The following ZBTB8A variants were observed in gnomAD, a reference collection of about 807,000 sequenced individuals.
ZBTB8A encodes the protein zinc finger and BTB domain-containing protein 8A.
Under a neutral mutation model 37.8 loss-of-function variants are expected in ZBTB8A, and 19 were observed. The observed-to-expected ratio is 0.50, with a 90% confidence interval of 0.35 to 0.74. ZBTB8A has a LOEUF of 0.74. Ranked by LOEUF, ZBTB8A falls within the 30% of genes least tolerant of loss-of-function variation. The pLI, the probability that ZBTB8A is intolerant of heterozygous loss-of-function variation, is 0.01. For missense variants in ZBTB8A, 394 were observed against 537.8 expected, an observed-to-expected ratio of 0.73 and a Z score of 2.65; for synonymous variants, 181 against 185.2, an observed-to-expected ratio of 0.98 and a Z score of 0.19.
At chr1:32,548,637 A>G (rs139312250) in intron 1 of ZBTB8A, among the ~76,000 whole-genome samples, 21 of 152,260 alleles carry the variant, frequency 1.4e-4, no homozygotes, top group African/African-American at 5.1e-4. Context: ...CTGTATCCCC[A>G]TTTGTATAAG....
At chr1:32,594,761 A>G (rs982603438) in intron 3 of ZBTB8A, among the ~76,000 whole-genome samples, 1 of 149,800 alleles carries the variant, frequency 6.7e-6, no homozygotes, top group Non-Finnish European at 1.5e-5. Context: ...GCGAAACTCT[A>G]TCTCAAAAAA....
At chr1:32,599,707 ACT>A (rs1644560883) in intron 4 of ZBTB8A, among the ~76,000 whole-genome samples, 1 of 151,890 alleles carries the variant, frequency 6.6e-6, no homozygotes, top group South Asian at 2.1e-4. Context: ...ACAGAGTGAG[ACT>A]CTGTCTCAAA....
intron 2 of ZBTB8A, among the ~76,000 whole-genome samples, chr1:32,573,070 C>CTTTT (rs765833626): frequency 2.6e-5 from 3 of 115,748 alleles, no homozygotes; most frequent in East Asian, 2.3e-4. Flanking sequence ...TCTCTAGATT[C>CTTTT]TTTTTTTTTT....
In ZBTB8A at chr1:32,593,449, G is replaced by A. The variant is rs760523065; in HGVS notation, c.518G>A (p.Gly173Asp). The A allele has an allele frequency of 6.2e-7, 1 of 1,613,764 alleles. No homozygotes were observed. Among genetic ancestry groups the A allele is most frequent in the African/African-American group, 1.3e-5 (1 of 74,904 alleles). The change falls in exon 3 of 5, where the codon GGT becomes GAT. Residue 173 changes from glycine (G) to aspartate (D), a missense_variant. This residue lies in a region of ZBTB8A where 171 missense variants were observed against 186.8 expected (regional missense o/e 0.92). Coordinates refer to ENST00000373510, the MANE Select transcript of ZBTB8A (RefSeq NM_001040441.3). Reference sequence around the variant, plus strand: ...CACCTAAGCCCAGAGCAAGGAACAGGTATAATAAGTGGAAAATCTTGGAAT... The same window carrying A: ...CACCTAAGCCCAGAGCAAGGAACAGATATAATAAGTGGAAAATCTTGGAAT... ...RSHLSPEQGT[G>D]IISGKSWNKY... is the part of the protein sequence containing the mutation.
chr1:32,597,246 C>T (rs182421623), intron 4 of ZBTB8A, among the ~76,000 whole-genome samples: 39 of 152,112 alleles, frequency 2.6e-4, no homozygotes, highest in Non-Finnish European at 4.4e-4. Flanking sequence ...CCATCCACCT[C>T]GGCCTCCCAA....
intron 2 of ZBTB8A, among the ~76,000 whole-genome samples, chr1:32,561,550 T>C (rs1299567761): frequency 1.3e-5 from 2 of 152,054 alleles, no homozygotes; most frequent in African/African-American, 4.8e-5. Context: ...TCCTTCTGTG[T>C]TTGTGGTTTT....
chr1:32,545,437 G>C (rs987470999), intron 1 of ZBTB8A, among the ~76,000 whole-genome samples: 2 of 152,006 alleles, frequency 1.3e-5, no homozygotes, highest in African/African-American at 4.8e-5. Flanking sequence ...GACTTCCTTA[G>C]AGCCTCTAAA....
intron 2 of ZBTB8A, among the ~76,000 whole-genome samples, chr1:32,583,437 A>T (rs974473226): frequency 9.2e-5 from 14 of 151,856 alleles, no homozygotes; most frequent in Non-Finnish European, 1.6e-4. Flanking sequence ...GGGAGTTCAG[A>T]TGGTGAGGCA....
chr1:32,544,848 C>T (rs1438918030), intron 1 of ZBTB8A, among the ~76,000 whole-genome samples: 1 of 152,202 alleles, frequency 6.6e-6, no homozygotes, highest in African/African-American at 2.4e-5. Context: ...CTTTTTATGG[C>T]CGAGTTACAT....
At chr1:32,554,385 T>C (rs888860802) in intron 2 of ZBTB8A, among the ~76,000 whole-genome samples, 6 of 151,776 alleles carry the variant, frequency 4.0e-5, no homozygotes, top group African/African-American at 1.4e-4. Context: ...TAAGGAGGTG[T>C]AGTGTATCCT....
At chr1:32,571,143 T>C (rs1414548145) in intron 2 of ZBTB8A, among the ~76,000 whole-genome samples, 1 of 152,220 alleles carries the variant, frequency 6.6e-6, no homozygotes, top group African/African-American at 2.4e-5. Flanking sequence ...CCCAAAGTGC[T>C]GGGATTACAG....
At chr1:32,571,900 G>T (rs761074993) in intron 2 of ZBTB8A, among the ~76,000 whole-genome samples, 7 of 151,264 alleles carry the variant, frequency 4.6e-5, no homozygotes, top group East Asian at 1.9e-4. Flanking sequence ...TAGGTTGGGG[G>T]TTTTTTTTGT....
intron 1 of ZBTB8A, among the ~76,000 whole-genome samples, chr1:32,543,971 C>G (rs1644080558): frequency 6.6e-6 from 1 of 152,144 alleles, no homozygotes; most frequent in South Asian, 2.1e-4. Context: ...CCACCACACC[C>G]AGACTTGTTT....
At chr1:32,579,066 C>T (rs962557871) in intron 2 of ZBTB8A, among the ~76,000 whole-genome samples, 2 of 152,044 alleles carry the variant, frequency 1.3e-5, no homozygotes, top group Admixed American at 6.6e-5. Flanking sequence ...TTAGGTTAGT[C>T]GTACTACTAA....
Position 32,562,123 on chromosome 1 carries a change from T to TTG in ZBTB8A, c.-2+8584_-2+8585insGT, listed in dbSNP as rs1448526024. Among the ~76,000 whole-genome samples, 217 of 146,008 alleles carry TTG rather than the reference T, an allele frequency of 1.5e-3. 1 individual carries two copies. Among genetic ancestry groups the TTG allele is most frequent in the African/African-American group, 4.8e-3 (193 of 40,218 alleles). On this transcript the variant is annotated intron_variant, in intron 2 of 4. Transcript: ENST00000373510. ...AGCCAATTTTTTAATTTTTGTTTGT[T>TTG]TTTTTTTTTTTTTGTAGAAACGGGG...
At chr1:32,562,457 G>C (rs987504038) in intron 2 of ZBTB8A, among the ~76,000 whole-genome samples, 10 of 151,318 alleles carry the variant, frequency 6.6e-5, no homozygotes, top group African/African-American at 2.2e-4. Context: ...TTTTAGTAGA[G>C]ATGGGGTTTC....
chr1:32,582,986 A>G (rs750061082), intron 2 of ZBTB8A, among the ~76,000 whole-genome samples: 5 of 152,222 alleles, frequency 3.3e-5, no homozygotes, highest in Non-Finnish European at 5.9e-5. Context: ...CATTATAGAT[A>G]AAACTCCTTG....
intron 1 of ZBTB8A, among the ~76,000 whole-genome samples, chr1:32,541,930 G>A (rs917781722): frequency 1.3e-5 from 2 of 152,160 alleles, no homozygotes; most frequent in Non-Finnish European, 2.9e-5. Flanking sequence ...TAATACAGAC[G>A]ATCACTGACT....
At chr1:32,551,567 G>A (rs942568647) in intron 1 of ZBTB8A, among the ~76,000 whole-genome samples, 6 of 152,070 alleles carry the variant, frequency 3.9e-5, no homozygotes, top group African/African-American at 1.4e-4. Context: ...TACAAAATGA[G>A]CCGGGTGTGG....
Sources: allele counts gnomAD v4.1 joint callset (sites outside exome capture counted in the v4.1 genomes callset), GRCh38; gene constraint gnomAD v4.1.1; regional missense constraint gnomAD v4.1.1; transcripts MANE v1.5; gene names NCBI Gene and HGNC (gene_info 2026-07-23, HGNC 2026-07-21).